The following DSCAM variants were observed in gnomAD, a reference collection of about 807,000 sequenced individuals.
DSCAM encodes cell adhesion molecule DSCAM.
DSCAM carries 47 observed loss-of-function variants against 217.7 expected under a neutral mutation model. That is an observed-to-expected ratio of 0.22 (90% confidence interval 0.17 to 0.28). DSCAM has a LOEUF of 0.28. Ranked by LOEUF, DSCAM falls within the 10% of genes least tolerant of loss-of-function variation. DSCAM has a pLI of 1.00. For synonymous variants in DSCAM, 1,056 were observed against 1,015.3 expected, an observed-to-expected ratio of 1.04 and a Z score of -0.76; for missense variants, 2,080 against 2,618.3, an observed-to-expected ratio of 0.79 and a Z score of 4.49.
At chr21:40,650,549 G>C (rs566778318) in intron 3 of DSCAM, among the ~76,000 whole-genome samples, 13 of 152,368 alleles carry the variant, frequency 8.5e-5, no homozygotes, top group African/African-American at 3.1e-4. Context: ...AGCCCGGATA[G>C]AACAGAAAGG....
chr21:40,198,229 C>A (rs1211843820), intron 11 of DSCAM, among the ~76,000 whole-genome samples: 1 of 152,198 alleles, frequency 6.6e-6, no homozygotes, highest in Non-Finnish European at 1.5e-5. Context: ...GAAAAAGGTG[C>A]CATTAAAGTT....
intron 3 of DSCAM, among the ~76,000 whole-genome samples, chr21:40,574,575 C>A (rs2076833773): frequency 6.6e-6 from 1 of 152,194 alleles, no homozygotes; most frequent in Admixed American, 6.5e-5. Context: ...CAAAGGTATT[C>A]ACTCATCACT....
At chr21:40,217,033 T>A (rs2091250037) in intron 11 of DSCAM, among the ~76,000 whole-genome samples, 1 of 152,216 alleles carries the variant, frequency 6.6e-6, no homozygotes. Flanking sequence ...ATTTCTCTCC[T>A]CAAACTCTAA....
At chr21:40,411,113 A>G (rs1351902241) in intron 3 of DSCAM, among the ~76,000 whole-genome samples, 1 of 151,660 alleles carries the variant, frequency 6.6e-6, no homozygotes, top group East Asian at 1.9e-4. Context: ...AATACACTGT[A>G]ATAAGATTCA....
At chr21:40,406,969 G>A (rs1355797173) in intron 3 of DSCAM, among the ~76,000 whole-genome samples, 5 of 152,120 alleles carry the variant, frequency 3.3e-5, no homozygotes, top group Non-Finnish European at 2.9e-5. Flanking sequence ...GAGTAGAATG[G>A]TGGTTACCTG....
At chr21:40,780,423 G>GTGTGTGTGTATA (rs1007015659) in intron 1 of DSCAM, among the ~76,000 whole-genome samples, 15 of 56,414 alleles carry the variant, frequency 2.7e-4, no homozygotes, top group African/African-American at 1.1e-3. Context: ...GTGTGTGTGT[G>GTGTGTGTGTATA]TATATATATA....
At chr21:40,176,905 G>A (rs1005470208) in intron 15 of DSCAM, among the ~76,000 whole-genome samples, 12 of 152,256 alleles carry the variant, frequency 7.9e-5, no homozygotes, top group South Asian at 2.1e-4. Flanking sequence ...ACTGCCAGCC[G>A]CAGCAGAGGT....
At chr21:40,843,361 T>G (rs1037014917) in intron 1 of DSCAM, among the ~76,000 whole-genome samples, 7 of 126,568 alleles carry the variant, frequency 5.5e-5, no homozygotes, top group African/African-American at 2.4e-4. Flanking sequence ...ATGTCAGGAA[T>G]GCATGCATGT....
chr21:40,575,402 C>G (rs575960355), intron 3 of DSCAM, among the ~76,000 whole-genome samples: 1 of 151,696 alleles, frequency 6.6e-6, no homozygotes, highest in South Asian at 2.1e-4. Flanking sequence ...CACACGGACG[C>G]GAATGAAACA....
rs979541832 is a variant in DSCAM, at chr21:40,594,064, C to A, written c.508+98746G>T. The stretch of plus-strand genomic sequence containing the variant: ...AAACAAAATTCTGCTTTCTTACAAG[C>A]CCCTTTTCAGTTAATCTCAGGTGGC... On this transcript the variant is annotated intron_variant, in intron 3 of 32. Coordinates refer to ENST00000400454, the MANE Select transcript of DSCAM (RefSeq NM_001389.5). 6.8e-4 allele frequency among the ~76,000 whole-genome samples: 104 copies of A among 152,128 alleles called. 1 individual carries two copies. The highest frequency in any genetic ancestry group is 2.3e-3 in the African/African-American group (96 of 41,426).
intron 3 of DSCAM, among the ~76,000 whole-genome samples, chr21:40,370,735 C>G (rs948211315): frequency 6.6e-6 from 1 of 152,058 alleles, no homozygotes; most frequent in African/African-American, 2.4e-5. Context: ...ATCCTTCCAC[C>G]TCAGCCTCCC....
chr21:40,454,404 T>C (rs1002912393), intron 3 of DSCAM, among the ~76,000 whole-genome samples: 12 of 152,192 alleles, frequency 7.9e-5, no homozygotes, highest in African/African-American at 2.7e-4. Flanking sequence ...CTGTGAAAGT[T>C]TTCTGTGAAG....
intron 3 of DSCAM, among the ~76,000 whole-genome samples, chr21:40,446,034 C>T (rs1169153548): frequency 6.6e-6 from 1 of 152,146 alleles, no homozygotes; most frequent in Non-Finnish European, 1.5e-5. Context: ...CAGTAAAATG[C>T]TCTTGGTTTT....
chr21:40,392,926 T>G (rs2075146921), intron 3 of DSCAM, among the ~76,000 whole-genome samples: 1 of 152,080 alleles, frequency 6.6e-6, no homozygotes, highest in South Asian at 2.1e-4. Context: ...ATAATAAAAT[T>G]TACAATTCAA....
intron 1 of DSCAM, among the ~76,000 whole-genome samples, chr21:40,805,574 C>T (rs1026949314): frequency 6.6e-6 from 1 of 152,214 alleles, no homozygotes; most frequent in African/African-American, 2.4e-5. Flanking sequence ...TACGCCATGA[C>T]CCCTTGACCC....
chr21:40,754,160 C>T (rs1210128220), intron 1 of DSCAM, among the ~76,000 whole-genome samples: 5 of 152,306 alleles, frequency 3.3e-5, no homozygotes, highest in Middle Eastern at 3.4e-3. Context: ...ACACATCCTC[C>T]GTGTTTCTGC....
intron 3 of DSCAM, among the ~76,000 whole-genome samples, chr21:40,673,737 T>C (rs1367876798): frequency 1.3e-5 from 2 of 152,278 alleles, no homozygotes; most frequent in East Asian, 3.9e-4. Flanking sequence ...TTTAAAAGTA[T>C]GCAGCTCCTC....
chr21:40,597,359 G>T (rs1167945530), intron 3 of DSCAM, among the ~76,000 whole-genome samples: 1 of 148,424 alleles, frequency 6.7e-6, no homozygotes, highest in African/African-American at 2.6e-5. Flanking sequence ...CAAACGAAAT[G>T]TCTCCTTTGT....
intron 16 of DSCAM, among the ~76,000 whole-genome samples, chr21:40,165,257 T>C (rs1167486562): frequency 6.6e-6 from 1 of 152,252 alleles, no homozygotes; most frequent in Non-Finnish European, 1.5e-5. Flanking sequence ...TATTGTCCTT[T>C]ACATATACTT....
Sources: gnomAD v4.1 joint callset for allele counts (sites outside exome capture counted in the v4.1 genomes callset) on GRCh38, gnomAD v4.1.1 for gene constraint, MANE v1.5 for transcripts, NCBI Gene and HGNC (gene_info 2026-07-23, HGNC 2026-07-21) for gene names.